LRRC4C: variants seen among roughly 807,000 people sequenced by gnomAD.
LRRC4C encodes the protein leucine-rich repeat-containing protein 4C.
Under a neutral mutation model 33.6 loss-of-function variants are expected in LRRC4C, and 5 were observed. The ratio of observed to expected loss-of-function variants is 0.15; its 90% CI spans 0.08 to 0.31. The LOEUF is 0.31. Among genes scored for constraint, LRRC4C ranks in the 10% least tolerant of loss-of-function variants. LRRC4C has a pLI of 1.00. For synonymous variants in LRRC4C, 329 were observed against 302.0 expected, an observed-to-expected ratio of 1.09 and a Z score of -0.93; for missense variants, 560 against 796.7, an observed-to-expected ratio of 0.70 and a Z score of 3.58.
At chr11:40,152,177 C>T (rs957817494) in intron 5 of LRRC4C, among the ~76,000 whole-genome samples, 3 of 152,206 alleles carry the variant, frequency 2.0e-5, no homozygotes, top group African/African-American at 7.2e-5. Context: ...TCCAAACGCA[C>T]ACCCCCGCTG....
At chr11:40,833,453 A>G (rs1952510070) in intron 2 of LRRC4C, among the ~76,000 whole-genome samples, 1 of 152,146 alleles carries the variant, frequency 6.6e-6, no homozygotes. Flanking sequence ...TTGAGTTGAA[A>G]ACTAATATAA....
chr11:41,301,588 T>A (rs1262174606), intron 1 of LRRC4C, among the ~76,000 whole-genome samples: 2 of 152,194 alleles, frequency 1.3e-5, no homozygotes, highest in African/African-American at 4.8e-5. Context: ...CTAAGTGATG[T>A]AAAGAAACTC....
intron 6 of LRRC4C, among the ~76,000 whole-genome samples, chr11:40,139,089 T>C (rs1857183536): frequency 1.3e-5 from 2 of 152,094 alleles, no homozygotes; most frequent in Non-Finnish European, 2.9e-5. Context: ...TACTTCCTCA[T>C]TGCTAACAAG....
intron 2 of LRRC4C, among the ~76,000 whole-genome samples, chr11:40,915,299 T>G (rs1181623681): frequency 1.3e-5 from 2 of 152,218 alleles, no homozygotes; most frequent in African/African-American, 4.8e-5. Context: ...CAAACTATAC[T>G]ACAAGGCTAC....
chr11:41,204,547 C>T (rs1946522789), intron 1 of LRRC4C, among the ~76,000 whole-genome samples: 1 of 152,220 alleles, frequency 6.6e-6, no homozygotes, highest in Non-Finnish European at 1.5e-5. Context: ...TTCTCAGGCT[C>T]ATGGCTTTAA....
intron 5 of LRRC4C, among the ~76,000 whole-genome samples, chr11:40,207,895 G>T (rs1444667635): frequency 6.6e-6 from 1 of 152,058 alleles, no homozygotes; most frequent in Non-Finnish European, 1.5e-5. Context: ...TTTACATATG[G>T]CAGTCAGAGG....
intron 1 of LRRC4C, among the ~76,000 whole-genome samples, chr11:40,964,034 T>C (rs1021906786): frequency 2.1e-4 from 32 of 151,524 alleles, no homozygotes; most frequent in African/African-American, 7.0e-4. Context: ...TGTTTTTTTT[T>C]CCCACCTGCC....
chr11:40,118,530 G>T (rs1047951524), intron 6 of LRRC4C, among the ~76,000 whole-genome samples: 1 of 152,154 alleles, frequency 6.6e-6, no homozygotes, highest in African/African-American at 2.4e-5. Flanking sequence ...CTTAATCTAT[G>T]CCGGAAAACC....
intron 2 of LRRC4C, among the ~76,000 whole-genome samples, chr11:40,712,099 G>T (rs193059636): frequency 6.6e-6 from 1 of 150,722 alleles, no homozygotes; most frequent in Non-Finnish European, 1.5e-5. Flanking sequence ...AATTATAAAG[G>T]AATTTCTAAG....
chr11:40,377,765 G>T (rs1035351001), intron 3 of LRRC4C, among the ~76,000 whole-genome samples: 1 of 152,004 alleles, frequency 6.6e-6, no homozygotes, highest in East Asian at 1.9e-4. Flanking sequence ...ACAACAAATT[G>T]TTTAAAATAT....
chr11:40,455,694 A>G (rs1291317040), intron 3 of LRRC4C, among the ~76,000 whole-genome samples: 1 of 152,134 alleles, frequency 6.6e-6, no homozygotes, highest in Non-Finnish European at 1.5e-5. Context: ...TGTTGCCTTC[A>G]GAATTCATCA....
chr11:40,683,791 A>G (rs895133834), intron 2 of LRRC4C, among the ~76,000 whole-genome samples: 21 of 152,210 alleles, frequency 1.4e-4, no homozygotes, highest in Admixed American at 5.2e-4. Context: ...GAAAGAATAG[A>G]AAAATCCACC....
chr11:40,448,408 A>C (rs1951734978), intron 3 of LRRC4C, among the ~76,000 whole-genome samples: 3 of 147,468 alleles, frequency 2.0e-5, no homozygotes, highest in African/African-American at 5.0e-5. Context: ...CTAGCTCCCC[A>C]CCCCCCGACA....
At chr11:41,225,945 T>C (rs1236512078) in intron 1 of LRRC4C, among the ~76,000 whole-genome samples, 2 of 152,166 alleles carry the variant, frequency 1.3e-5, no homozygotes, top group Non-Finnish European at 2.9e-5. Context: ...TCACCATGTG[T>C]CATTTAAAAT....
intron 4 of LRRC4C, among the ~76,000 whole-genome samples, chr11:40,274,363 T>C (rs1390082047): frequency 6.6e-6 from 1 of 151,036 alleles, no homozygotes; most frequent in Non-Finnish European, 1.5e-5. Context: ...CTTAATTTTG[T>C]AGTTAATTAG....
At chr11:40,280,761 G>T (rs1324185117) in intron 4 of LRRC4C, among the ~76,000 whole-genome samples, 1 of 151,996 alleles carries the variant, frequency 6.6e-6, no homozygotes, top group East Asian at 1.9e-4. Context: ...TTAACATATC[G>T]CCACAACACC....
At chr11:40,855,521 G>A (rs1032634956) in intron 2 of LRRC4C, among the ~76,000 whole-genome samples, 4 of 152,240 alleles carry the variant, frequency 2.6e-5, no homozygotes, top group Admixed American at 6.5e-5. Context: ...TCTGGGATGT[G>A]TGTTTTTGGA....
At chr11:41,301,470 T>G (rs1470388239) in intron 1 of LRRC4C, among the ~76,000 whole-genome samples, 1 of 152,132 alleles carries the variant, frequency 6.6e-6, no homozygotes, top group Non-Finnish European at 1.5e-5. Context: ...TAAATTGCCT[T>G]GCAAGTTTTT....
At chr11:40,823,474 A>G (rs1037893131) in intron 2 of LRRC4C, among the ~76,000 whole-genome samples, 1 of 151,784 alleles carries the variant, frequency 6.6e-6, no homozygotes, top group African/African-American at 2.4e-5. Flanking sequence ...GGGAGAATAT[A>G]TTTTTATAAT....
Sources: allele counts gnomAD v4.1 joint callset (sites outside exome capture counted in the v4.1 genomes callset), GRCh38; gene constraint gnomAD v4.1.1; transcripts MANE v1.5; gene names NCBI Gene and HGNC (gene_info 2026-07-23, HGNC 2026-07-21).